FBXL14: variants seen among roughly 807,000 people sequenced by gnomAD.
FBXL14 encodes F-box and leucine rich repeat protein 14, also known as F-box/LRR-repeat protein 14.
In FBXL14, 11 loss-of-function variants were observed where a neutral mutation model predicts 24.5. The observed-to-expected ratio is 0.45, with a 90% confidence interval of 0.28 to 0.74. The LOEUF (loss-of-function observed/expected upper bound fraction) is 0.74. Among genes scored for constraint, FBXL14 ranks in the 30% least tolerant of loss-of-function variants. FBXL14 has a pLI of 0.12. For missense variants in FBXL14, 384 were observed against 545.6 expected (o/e 0.70, Z 2.95); for synonymous variants, 294 against 240.4 (o/e 1.22, Z -2.06).
At chr12:1,583,405 G>A (rs926756658) in intron 1 of FBXL14, among the ~76,000 whole-genome samples, 1 of 151,838 alleles carries the variant, frequency 6.6e-6, no homozygotes, top group African/African-American at 2.4e-5. Context: ...AGCATTAGAA[G>A]TTAATGTTTG....
intron 1 of FBXL14, among the ~76,000 whole-genome samples, chr12:1,592,383 A>C (rs915665346): frequency 6.6e-5 from 10 of 152,040 alleles, no homozygotes; most frequent in African/African-American, 2.4e-4. Flanking sequence ...TTAGTTACAA[A>C]GTGGAAGGGT....
chr12:1,576,999 C>G (rs1329451676), intron 1 of FBXL14, among the ~76,000 whole-genome samples: 1 of 152,196 alleles, frequency 6.6e-6, no homozygotes, highest in Admixed American at 6.5e-5. Context: ...TTTTTATGGG[C>G]TCTTAAAGTC....
chr12:1,594,480 G>A lies in FBXL14; in HGVS notation c.-414C>T, dbSNP rs1354967168. Among the ~76,000 whole-genome samples, 26 of 146,808 alleles carry A rather than the reference G, an allele frequency of 1.8e-4. No homozygotes were observed. In the East Asian group the frequency reaches 5.1e-3, roughly 29 times the overall value. On this transcript the variant is annotated 5_prime_UTR_variant, in exon 1 of 2. Coordinates refer to ENST00000339235, the MANE Select transcript of FBXL14 (RefSeq NM_152441.3). ...TCCTCCGCCTCCTGCCGCCGCCGCT[G>A]CTCCGCGGGCCGGCGGGCGGCGAGG...
intron 1 of FBXL14, among the ~76,000 whole-genome samples, chr12:1,571,180 CT>C (rs1219297975): frequency 6.7e-6 from 1 of 149,456 alleles, no homozygotes; most frequent in African/African-American, 2.4e-5. Context: ...AAAACAGTTT[CT>C]TTTTTCTGGT....
intron 1 of FBXL14, among the ~76,000 whole-genome samples, chr12:1,588,878 A>G (rs1376600517): frequency 2.6e-5 from 4 of 151,944 alleles, no homozygotes; most frequent in African/African-American, 9.7e-5. Flanking sequence ...CTATTCTTCA[A>G]TGCATTTCTC....
Position 1,579,077 on chromosome 12 carries a change from T to G in FBXL14, c.1195-12267A>C, listed in dbSNP as rs2094461309. On this transcript the variant is annotated intron_variant, in intron 1 of 1. Coordinates refer to ENST00000339235, the MANE Select transcript of FBXL14 (RefSeq NM_152441.3). This position sits in a 1 kb window ranked among gnomAD's most constrained non-coding sequence, Gnocchi z 4.3. ...CCAGATAACACACTTCTACTTGCTT[T>G]CTTTAGGGAAACGACATGGTCTCCT... is the stretch of plus-strand genomic sequence containing the variant. 1.3e-5 allele frequency among the ~76,000 whole-genome samples: 2 copies of G among 152,044 alleles called. No individual in the cohort carries two copies. The highest frequency in any genetic ancestry group is 4.1e-4 in the South Asian group (2 of 4,822).
chr12:1,589,397 CAAAAAAAAAAAAAA>C (rs869295084), intron 1 of FBXL14, among the ~76,000 whole-genome samples: 1 of 10,982 alleles, frequency 9.1e-5, no homozygotes, highest in Non-Finnish European at 1.9e-4. Context: ...GACCTTGTCT[CAAAAAAAAAAAAAA>C]AAAAAAAAGA....
chr12:1,566,612 G>A lies in FBXL14; in HGVS notation c.*136C>T, dbSNP rs930380055. The A allele has an allele frequency of 1.4e-6, 1 of 696,694 alleles. No individual in the cohort carries two copies. The highest frequency in any genetic ancestry group is 1.8e-5 in the African/African-American group (1 of 56,664). 43.2% of individuals were successfully genotyped at this position (696,694 alleles called of 1,614,324 possible). A position where few individuals can be genotyped will look rare whatever the true frequency, so the allele number is the denominator to read the frequency against. On this transcript the variant is annotated 3_prime_UTR_variant, in exon 2 of 2. Coordinates refer to ENST00000339235, the MANE Select transcript of FBXL14 (RefSeq NM_152441.3). ...AGCTTCACAAGGTACCGGAGCAGAAGCCCTGGGCAGCAGCCTCTGCCCGAG... is the reference window on the plus strand; with the variant it reads ...AGCTTCACAAGGTACCGGAGCAGAAACCCTGGGCAGCAGCCTCTGCCCGAG...
At chr12:1,584,129 G>A (rs2094472022) in intron 1 of FBXL14, among the ~76,000 whole-genome samples, 1 of 152,084 alleles carries the variant, frequency 6.6e-6, no homozygotes, top group African/African-American at 2.4e-5. Context: ...AGGATCACTT[G>A]AGCCCAGGAG....
At chr12:1,583,037 G>T (rs180897980) in intron 1 of FBXL14, among the ~76,000 whole-genome samples, 8 of 152,042 alleles carry the variant, frequency 5.3e-5, no homozygotes, top group Admixed American at 2.6e-4. Context: ...CGTCAGGGCT[G>T]TTATTATTTT....
rs555671451 is a variant in FBXL14, at chr12:1,579,899, T to A, written c.1194+12974A>T. ...ATGAGAACTCAGGGCCAGCCTGAAA[T>A]GTTCATCCTCATCGATTAATCCTTA... On this transcript the variant is annotated intron_variant, in intron 1 of 1. Coordinates refer to ENST00000339235, the MANE Select transcript of FBXL14 (RefSeq NM_152441.3). The surrounding 1 kb of genome is among the most constrained non-coding windows in gnomAD (Gnocchi z 4.3). Among the ~76,000 whole-genome samples, 95 of 152,224 alleles carry A rather than the reference T, an allele frequency of 6.2e-4. 1 individual carries two copies. The highest frequency in any genetic ancestry group is 3.5e-3 in the Admixed American group (53 of 15,290).
At chr12:1,588,786 ATTC>A (rs1414434958) in intron 1 of FBXL14, among the ~76,000 whole-genome samples, 1 of 151,978 alleles carries the variant, frequency 6.6e-6, no homozygotes, top group African/African-American at 2.4e-5. Context: ...TTTTTCTGTT[ATTC>A]TAAGAACTGC....
chr12:1,575,581 G>A (rs900653846), intron 1 of FBXL14, among the ~76,000 whole-genome samples: 1 of 152,186 alleles, frequency 6.6e-6, no homozygotes, highest in Non-Finnish European at 1.5e-5. Context: ...CCTGTCTGAA[G>A]CCCCTGTAGG....
chr12:1,590,489 A>C (rs2094486963), intron 1 of FBXL14, among the ~76,000 whole-genome samples: 1 of 152,094 alleles, frequency 6.6e-6, no homozygotes, highest in African/African-American at 2.4e-5. Context: ...AGGAATATGA[A>C]CCACTCCCCT....
intron 1 of FBXL14, among the ~76,000 whole-genome samples, chr12:1,584,359 A>T (rs886315167): frequency 2.6e-5 from 4 of 152,196 alleles, no homozygotes; most frequent in African/African-American, 9.7e-5. Flanking sequence ...TCTAAAAATC[A>T]ATAAAGCAGG....
intron 1 of FBXL14, among the ~76,000 whole-genome samples, chr12:1,590,873 T>TAA (rs2094488050): frequency 6.6e-6 from 1 of 152,140 alleles, no homozygotes; most frequent in Non-Finnish European, 1.5e-5. Flanking sequence ...AGCGCTCTTT[T>TAA]AACTTTTCTC....
chr12:1,588,438 T>C (rs1188660724), intron 1 of FBXL14, among the ~76,000 whole-genome samples: 9 of 152,352 alleles, frequency 5.9e-5, no homozygotes, highest in African/African-American at 2.2e-4. Context: ...TTGTTGTTCA[T>C]CTGACTCATG....
intron 1 of FBXL14, among the ~76,000 whole-genome samples, chr12:1,591,675 A>T (rs1169661134): frequency 6.6e-6 from 1 of 152,206 alleles, no homozygotes; most frequent in Admixed American, 6.5e-5. Flanking sequence ...TAGAAACGGA[A>T]TTTTTTAAAA....
chr12:1,586,834 G>A (rs1239261937), intron 1 of FBXL14, among the ~76,000 whole-genome samples: 9 of 152,174 alleles, frequency 5.9e-5, no homozygotes, highest in Non-Finnish European at 1.2e-4. Flanking sequence ...GCTGCGCCAC[G>A]GCTGCAGACC....
Sources: gnomAD v4.1 joint callset for allele counts (sites outside exome capture counted in the v4.1 genomes callset) on GRCh38, gnomAD v4.1.1 for gene constraint, Gnocchi (gnomAD v3.1) non-coding constraint, MANE v1.5 for transcripts, NCBI Gene and HGNC (gene_info 2026-07-23, HGNC 2026-07-21) for gene names.